Variants in HHAT observed in about 807,000 individuals in gnomAD.
HHAT encodes the protein protein-cysteine N-palmitoyltransferase HHAT.
In HHAT, 47 loss-of-function variants were observed where a neutral mutation model predicts 70.8. The ratio of observed to expected loss-of-function variants is 0.66; its 90% CI spans 0.53 to 0.85. HHAT has a LOEUF of 0.85. Among genes scored for constraint, HHAT ranks in the 40% least tolerant of loss-of-function variants. The pLI is 0.00. For missense variants in HHAT, 609 were observed against 604.8 expected (o/e 1.01, Z -0.07); for synonymous variants, 228 against 247.6 (o/e 0.92, Z 0.74).
chr1:210,617,977 G>A (rs1668077590), intron 10 of HHAT, among the ~76,000 whole-genome samples: 1 of 152,190 alleles, frequency 6.6e-6, no homozygotes, highest in African/African-American at 2.4e-5. Flanking sequence ...AGAGCGAGAT[G>A]GGTGATAGCT....
intron 10 of HHAT, among the ~76,000 whole-genome samples, chr1:210,618,192 G>T (rs1365924474): frequency 2.0e-5 from 3 of 152,124 alleles, no homozygotes; most frequent in Admixed American, 2.0e-4. Context: ...ATGGGACATG[G>T]GCCTTGGAAT....
intron 1 of HHAT, 133 bp from the exon 2 acceptor site, chr1:210,348,800 G>A: frequency 7.6e-6 from 6 of 784,420 alleles, no homozygotes. Context: ...GGAGGAGGAA[G>A]CTTGATTGGG....
At chr1:210,525,927 G>A (rs1438338178) in intron 9 of HHAT, among the ~76,000 whole-genome samples, 2 of 152,326 alleles carry the variant, frequency 1.3e-5, no homozygotes, top group East Asian at 1.9e-4. Context: ...AAGTGTTGTC[G>A]CTGCCTTCTT....
chr1:210,593,209 C>T (rs546218301), intron 10 of HHAT, among the ~76,000 whole-genome samples: 24 of 152,100 alleles, frequency 1.6e-4, no homozygotes, highest in Admixed American at 1.4e-3. Context: ...CTCTGATCTT[C>T]GTTTCCTTTG....
At chr1:210,562,418 T>C (rs1451135647) in intron 9 of HHAT, among the ~76,000 whole-genome samples, 3 of 148,598 alleles carry the variant, frequency 2.0e-5, no homozygotes, top group Non-Finnish European at 4.5e-5. Flanking sequence ...GGGTAAAGAA[T>C]TTTGAATTTG....
At chr1:210,626,650 A>G (rs890002945) in intron 11 of HHAT, among the ~76,000 whole-genome samples, 2 of 152,114 alleles carry the variant, frequency 1.3e-5, no homozygotes, top group African/African-American at 4.8e-5. Flanking sequence ...AGTGAACCAG[A>G]TGGTGCCCAA....
Position 210,379,147 on chromosome 1 carries a change from A to G in HHAT, c.160-8321A>G, listed in dbSNP as rs557299944. On this transcript the variant is annotated intron_variant, in intron 3 of 11. Transcript: ENST00000261458. ...CTTGAGAACCTAGGGCTCTGGTGCC[A>G]CATCTGACAGCTTCAGCATCTCTGA... Among the ~76,000 whole-genome samples, 14 of 152,346 alleles carry G rather than the reference A, an allele frequency of 9.2e-5. 1 individual carries two copies. In the South Asian group the frequency reaches 2.9e-3, roughly 32 times the overall value.
At chr1:210,421,800 A>T (rs2092912632) in intron 7 of HHAT, among the ~76,000 whole-genome samples, 1 of 152,006 alleles carries the variant, frequency 6.6e-6, no homozygotes, top group South Asian at 2.1e-4. Flanking sequence ...TTCTAATGGG[A>T]TTTCTGTCTT....
chr1:210,386,222 C>CTTT (rs1295756019), intron 3 of HHAT, among the ~76,000 whole-genome samples: 7 of 69,888 alleles, frequency 1.0e-4, no homozygotes, highest in South Asian at 1.2e-3. Context: ...GAGTCCTTTT[C>CTTT]TTTTTTTCTT....
At chr1:210,602,397 T>C (rs1272962226) in intron 10 of HHAT, among the ~76,000 whole-genome samples, 1 of 152,062 alleles carries the variant, frequency 6.6e-6, no homozygotes. Context: ...AAGGCTTGAA[T>C]AGCACACTGG....
intron 9 of HHAT, among the ~76,000 whole-genome samples, chr1:210,517,857 T>G (rs751848249): frequency 1.3e-5 from 2 of 152,196 alleles, no homozygotes; most frequent in Non-Finnish European, 2.9e-5. Flanking sequence ...GAATGATACT[T>G]GTTTTGTTGC....
intron 10 of HHAT, among the ~76,000 whole-genome samples, chr1:210,607,731 CTTTTT>C (rs1291802257): frequency 1.4e-5 from 2 of 146,774 alleles, no homozygotes. Flanking sequence ...GTTTTCTTTT[CTTTTT>C]TTTTTTCCCC....
chr1:210,636,144 T>C (rs142895909), intron 11 of HHAT, among the ~76,000 whole-genome samples: 1 of 152,226 alleles, frequency 6.6e-6, no homozygotes, highest in African/African-American at 2.4e-5. Context: ...TGGTTATCTT[T>C]GTCTATGTGC....
chr1:210,495,141 G>C (rs1450086587), intron 8 of HHAT, among the ~76,000 whole-genome samples: 1 of 152,150 alleles, frequency 6.6e-6, no homozygotes, highest in African/African-American at 2.4e-5. Context: ...CCAAGACAAC[G>C]TGGGGTCCTA....
At chr1:210,571,385 G>T (rs995098511) in intron 9 of HHAT, among the ~76,000 whole-genome samples, 1 of 152,146 alleles carries the variant, frequency 6.6e-6, no homozygotes, top group African/African-American at 2.4e-5. Context: ...CTTGGCAGCT[G>T]CCCCTTGCCT....
At chr1:210,620,834 C>T (rs1668671193) in intron 10 of HHAT, among the ~76,000 whole-genome samples, 1 of 150,916 alleles carries the variant, frequency 6.6e-6, no homozygotes, top group Admixed American at 6.6e-5. Flanking sequence ...TTTTAGTTGC[C>T]CCCCCTCTCC....
chr1:210,386,517 C>T (rs1023193029), intron 3 of HHAT, among the ~76,000 whole-genome samples: 19 of 151,844 alleles, frequency 1.3e-4, no homozygotes, highest in Admixed American at 8.5e-4. Context: ...GGATTACAGG[C>T]GTGAGCCACC....
Position 210,422,312 on chromosome 1 carries a change from T to C in HHAT, c.856+3987T>C, listed in dbSNP as rs116070576. On this transcript the variant is annotated intron_variant, in intron 7 of 11. Coordinates refer to ENST00000261458, the MANE Select transcript of HHAT (RefSeq NM_018194.6). The stretch of plus-strand genomic sequence containing the variant: ...TTTTCCTTCTAGCTATTTGAAACTA[T>C]GTAATATATTATTAACTCTAGTCAT... Among the ~76,000 whole-genome samples, 1,067 of 152,328 alleles carry C rather than the reference T, an allele frequency of 7.0e-3. 14 individuals are homozygous for C. Among genetic ancestry groups the C allele is most frequent in the African/African-American group, 0.024 (1,017 of 41,564 alleles).
intron 3 of HHAT, among the ~76,000 whole-genome samples, chr1:210,385,790 G>T (rs1403390316): frequency 6.6e-6 from 1 of 152,202 alleles, no homozygotes; most frequent in Non-Finnish European, 1.5e-5. Context: ...GTTAGTAGCG[G>T]GTACTGCTGT....
Sources: allele counts gnomAD v4.1 joint callset (sites outside exome capture counted in the v4.1 genomes callset), GRCh38; gene constraint gnomAD v4.1.1; transcripts MANE v1.5; gene names NCBI Gene and HGNC (gene_info 2026-07-23, HGNC 2026-07-21).